TRDN: variants seen among roughly 807,000 people sequenced by gnomAD.
TRDN encodes the protein triadin, also known as triadin in skeletal muscle.
Under a neutral mutation model 149.7 loss-of-function variants are expected in TRDN, and 161 were observed. That is an observed-to-expected ratio of 1.08 (90% CI 0.95 to 1.23). TRDN has a LOEUF of 1.23. Ranked by LOEUF, TRDN falls within the 50% of genes most tolerant of loss-of-function variation. The probability of loss-of-function intolerance (pLI) is 0.00; values close to 1 mark genes in which losing one functional copy is unlikely to be tolerated. For missense variants in TRDN, 896 were observed against 823.5 expected, an observed-to-expected ratio of 1.09 and a Z score of -1.08; for synonymous variants, 294 against 250.5, an observed-to-expected ratio of 1.17 and a Z score of -1.64.
intron 9 of TRDN, among the ~76,000 whole-genome samples, chr6:123,483,909 C>G (rs1012987724): frequency 1.3e-5 from 2 of 151,996 alleles, no homozygotes; most frequent in Non-Finnish European, 2.9e-5. Context: ...TAGTGCTATG[C>G]AAGAATAACA....
chr6:123,570,803 T>C, intron 2 of TRDN, 120 bp downstream of exon 2: 2 of 811,414 alleles, frequency 2.5e-6, no homozygotes, highest in Non-Finnish European at 3.9e-6. Context: ...TCAAGCACAT[T>C]TGTGGGGTGT....
chr6:123,370,241 T>C (rs1159052884), intron 19 of TRDN, among the ~76,000 whole-genome samples: 1 of 152,152 alleles, frequency 6.6e-6, no homozygotes, highest in Non-Finnish European at 1.5e-5. Context: ...CTATATTTTG[T>C]AATAATTATT....
chr6:123,248,788 C>A (rs1776275105), intron 38 of TRDN, among the ~76,000 whole-genome samples: 1 of 151,910 alleles, frequency 6.6e-6, no homozygotes, highest in Admixed American at 6.6e-5. Flanking sequence ...TTCTATGAAA[C>A]ATAGAAAGAA....
chr6:123,623,298 T>C (rs1454368326), intron 1 of TRDN, among the ~76,000 whole-genome samples: 2 of 152,076 alleles, frequency 1.3e-5, no homozygotes, highest in African/African-American at 4.8e-5. Flanking sequence ...AAGAATCTTA[T>C]ATATAAAATT....
rs1775003526 is a variant in TRDN at position 123,217,571 on chromosome 6, A to T, written c.*1030T>A. On this transcript the variant is annotated 3_prime_UTR_variant, in exon 41 of 41. Transcript: ENST00000334268. ...ACTGTCGAGTAGATTAAAAATTGTT[A>T]TCCATGTCATTGGCACTGATGACCA... The T allele has an allele frequency of 6.6e-6, 1 of 151,950 alleles. No homozygotes were observed. Among genetic ancestry groups the T allele is most frequent in the Non-Finnish European group, 1.5e-5 (1 of 67,930 alleles). The allele number at this position is 151,950 out of a possible 1,614,324, so 9.4% of individuals were successfully genotyped here. A position where few individuals can be genotyped will look rare whatever the true frequency, so the allele number is the denominator to read the frequency against.
chr6:123,339,482 C>T (rs1327128570), intron 21 of TRDN, among the ~76,000 whole-genome samples: 1 of 152,126 alleles, frequency 6.6e-6, no homozygotes, highest in East Asian at 1.9e-4. Flanking sequence ...CATATGTCAA[C>T]AGGACGCCCA....
chr6:123,473,215 A>G (rs1340931289), intron 9 of TRDN, among the ~76,000 whole-genome samples: 1 of 152,112 alleles, frequency 6.6e-6, no homozygotes, highest in Non-Finnish European at 1.5e-5. Context: ...AGAAGAATGT[A>G]TAACTAGAAT....
At chr6:123,612,339 A>T (rs1314152369) in intron 1 of TRDN, among the ~76,000 whole-genome samples, 1 of 151,378 alleles carries the variant, frequency 6.6e-6, no homozygotes, top group Non-Finnish European at 1.5e-5. Context: ...CAGCACACCA[A>T]CATGGCACAT....
intron 4 of TRDN, among the ~76,000 whole-genome samples, chr6:123,533,429 C>T (rs879605110): frequency 1.3e-5 from 2 of 152,004 alleles, no homozygotes; most frequent in Admixed American, 6.6e-5. Context: ...CCTGTCAGAG[C>T]CTCCTACTCT....
chr6:123,585,318 T>C (rs1439475989), intron 1 of TRDN, among the ~76,000 whole-genome samples: 5 of 151,758 alleles, frequency 3.3e-5, no homozygotes, highest in Non-Finnish European at 5.9e-5. Flanking sequence ...TAAAAGAGTA[T>C]TGTCTAATTT....
At chr6:123,240,636 A>G (rs1404550787) in intron 38 of TRDN, among the ~76,000 whole-genome samples, 1 of 151,936 alleles carries the variant, frequency 6.6e-6, no homozygotes, top group Non-Finnish European at 1.5e-5. Flanking sequence ...AATTCAAAAC[A>G]TAATTGGGCA....
chr6:123,478,792 A>C (rs987571815), intron 9 of TRDN, among the ~76,000 whole-genome samples: 1 of 152,284 alleles, frequency 6.6e-6, no homozygotes, highest in South Asian at 2.1e-4. Context: ...ATTTCAGTCA[A>C]TCCTCAAAGC....
chr6:123,518,839 T>A (rs1306507437), intron 5 of TRDN, among the ~76,000 whole-genome samples: 8 of 152,146 alleles, frequency 5.3e-5, no homozygotes, highest in African/African-American at 1.9e-4. Flanking sequence ...AGACAGCCAC[T>A]GAAGCTCCTT....
intron 36 of TRDN, among the ~76,000 whole-genome samples, 196 bp from the exon 37 acceptor site, chr6:123,255,321 G>C (rs956347571): frequency 1.3e-5 from 2 of 151,924 alleles, no homozygotes; most frequent in Non-Finnish European, 2.9e-5. Context: ...ATAAACAGAG[G>C]TATAACATGA....
chr6:123,523,658 C>T (rs573120580), intron 5 of TRDN, among the ~76,000 whole-genome samples: 38 of 152,124 alleles, frequency 2.5e-4, no homozygotes, highest in Non-Finnish European at 3.4e-4. Flanking sequence ...AGAAAGTAGA[C>T]TAAATTATAG....
chr6:123,586,296 G>T (rs1408050237), intron 1 of TRDN, among the ~76,000 whole-genome samples: 1 of 152,106 alleles, frequency 6.6e-6, no homozygotes, highest in African/African-American at 2.4e-5. Context: ...TTATAGGGTG[G>T]AGGACCGGAG....
chr6:123,288,465 T>C (rs1280408013), intron 24 of TRDN, among the ~76,000 whole-genome samples: 1 of 152,008 alleles, frequency 6.6e-6, no homozygotes, highest in East Asian at 1.9e-4. Flanking sequence ...TGGGAGGTAA[T>C]ATTGGTAAAT....
At chr6:123,257,987 A>G (rs766845954) in intron 35 of TRDN, among the ~76,000 whole-genome samples, 4 of 152,174 alleles carry the variant, frequency 2.6e-5, no homozygotes, top group Non-Finnish European at 5.9e-5. Flanking sequence ...TTGATTTTGT[A>G]TCTTGAGACT....
chr6:123,509,085 A>G (rs1313698903), intron 7 of TRDN, among the ~76,000 whole-genome samples: 1 of 152,124 alleles, frequency 6.6e-6, no homozygotes, highest in Non-Finnish European at 1.5e-5. Flanking sequence ...ATACATATGC[A>G]TACATATATA....
Sources: allele counts gnomAD v4.1 joint callset (sites outside exome capture counted in the v4.1 genomes callset), GRCh38; gene constraint gnomAD v4.1.1; transcripts MANE v1.5; gene names NCBI Gene and HGNC (gene_info 2026-07-23, HGNC 2026-07-21).